The following CERK variants were observed in gnomAD, a reference collection of about 807,000 sequenced individuals.
The protein encoded by CERK is ceramide kinase.
A neutral mutation model predicts 63.4 loss-of-function variants in CERK; 39 were observed. The ratio of observed to expected loss-of-function variants is 0.61; its 90% CI spans 0.48 to 0.80. The LOEUF (loss-of-function observed/expected upper bound fraction) is 0.80, where lower values mean the gene tolerates loss of function less well. Among genes scored for constraint, CERK ranks in the 30% least tolerant of loss-of-function variants. CERK has a pLI of 0.00. For synonymous variants in CERK, 302 were observed against 280.0 expected (o/e 1.08, Z -0.78); for missense variants, 670 against 714.1 (o/e 0.94, Z 0.70).
At chr22:46,705,269 G>A (rs1233743010) in intron 6 of CERK, among the ~76,000 whole-genome samples, 2 of 152,224 alleles carry the variant, frequency 1.3e-5, no homozygotes, top group Non-Finnish European at 2.9e-5. Context: ...AAGGATGGGA[G>A]TGAGGGGCCT....
chr22:46,719,420 C>G (rs139022773), intron 3 of CERK, among the ~76,000 whole-genome samples: 76 of 152,250 alleles, frequency 5.0e-4, no homozygotes, highest in African/African-American at 1.7e-3. Flanking sequence ...ACCTGTAATC[C>G]CAGCACTCCA....
chr22:46,694,807 C>T (rs1395068558), intron 9 of CERK, among the ~76,000 whole-genome samples: 1 of 152,214 alleles, frequency 6.6e-6, no homozygotes, highest in Non-Finnish European at 1.5e-5. Context: ...ACCAACGGTC[C>T]TGCCACCAGT....
chr22:46,722,619 G>T (rs895973850), intron 1 of CERK, among the ~76,000 whole-genome samples: 9 of 147,726 alleles, frequency 6.1e-5, no homozygotes, highest in African/African-American at 7.6e-5. Context: ...GAGGGCAATA[G>T]CTCCATCTCG....
chr22:46,716,172 A>G (rs564112265), intron 3 of CERK, among the ~76,000 whole-genome samples: 8 of 150,784 alleles, frequency 5.3e-5, no homozygotes, highest in Non-Finnish European at 8.8e-5. Context: ...CCTGGGTGGC[A>G]GAACAAGACC....
At chr22:46,729,278 C>T (rs534212458) in intron 1 of CERK, among the ~76,000 whole-genome samples, 6 of 152,166 alleles carry the variant, frequency 3.9e-5, no homozygotes, top group South Asian at 4.2e-4. Flanking sequence ...GGTAGGAGGA[C>T]GGCTTGTGCT....
At chr22:46,723,529 G>T (rs541784132) in intron 1 of CERK, among the ~76,000 whole-genome samples, 1 of 152,120 alleles carries the variant, frequency 6.6e-6, no homozygotes, top group East Asian at 2.0e-4. Flanking sequence ...TGAAGCATGA[G>T]AGTTGCTTGA....
At chr22:46,699,817 A>C (rs1473353429) in intron 7 of CERK, among the ~76,000 whole-genome samples, 2 of 152,222 alleles carry the variant, frequency 1.3e-5, no homozygotes, top group African/African-American at 4.8e-5. Flanking sequence ...AGCCGAGTGC[A>C]GTGGTTCACG....
At chr22:46,725,871 T>C (rs1390580850) in intron 1 of CERK, among the ~76,000 whole-genome samples, 1 of 152,248 alleles carries the variant, frequency 6.6e-6, no homozygotes, top group African/African-American at 2.4e-5. Context: ...GAGAGCACGC[T>C]GACTTCCAGC....
intron 1 of CERK, among the ~76,000 whole-genome samples, chr22:46,721,516 G>A (rs1211963971): frequency 3.3e-5 from 5 of 152,176 alleles, no homozygotes; most frequent in East Asian, 1.9e-4. Flanking sequence ...GTTACCAGAC[G>A]GCGGGATGTT....
At chr22:46,712,059 C>G in intron 4 of CERK, 109 bp downstream of exon 4, 1 of 1,271,164 alleles carries the variant, frequency 7.9e-7, no homozygotes, top group African/African-American at 1.5e-5. Flanking sequence ...TGCACTCCAG[C>G]CTGGGCAACA....
chr22:46,705,196 C>T (rs1056870103), intron 6 of CERK, among the ~76,000 whole-genome samples: 3 of 152,180 alleles, frequency 2.0e-5, no homozygotes, highest in Non-Finnish European at 4.4e-5. Context: ...CCTCTGAGAG[C>T]CACACGTGCA....
rs572252210 is a variant in CERK, at chr22:46,714,252, C to A, written c.380-1959G>T. Reference sequence around the variant, plus strand: ...CGCCATTGCACTCCAGCCTGGGTGACAGAGTAAGACTCCATGTCAAAATAA... The same window carrying A: ...CGCCATTGCACTCCAGCCTGGGTGAAAGAGTAAGACTCCATGTCAAAATAA... On this transcript the variant is annotated intron_variant, in intron 3 of 12. Coordinates refer to ENST00000216264, the MANE Select transcript of CERK (RefSeq NM_022766.6). The surrounding 1 kb of genome is among the most constrained non-coding windows in gnomAD (Gnocchi z 4.4). Among the ~76,000 whole-genome samples the A allele has an allele frequency of 6.6e-6, 1 of 152,276 alleles. No homozygotes were observed. Among genetic ancestry groups the A allele is most frequent in the Admixed American group, 6.5e-5 (1 of 15,290 alleles).
chr22:46,697,877 T>C (rs2082763959), intron 8 of CERK, among the ~76,000 whole-genome samples: 1 of 152,238 alleles, frequency 6.6e-6, no homozygotes, highest in Non-Finnish European at 1.5e-5. Context: ...CTGCCTGATG[T>C]GTGCAGACTG....
rs11431926 is a variant in CERK, at chr22:46,704,824, CAA to C, written c.715+3017_715+3018del. ...TGGGTGACAGAGCAAGACTCCATCTCAAAAAAAAAAAAAAAAAAAAGTGACAA... is the reference window on the plus strand; with the variant it reads ...TGGGTGACAGAGCAAGACTCCATCTCAAAAAAAAAAAAAAAAAAGTGACAA... On this transcript the variant is annotated intron_variant, in intron 6 of 12. Transcript: ENST00000216264. Among the ~76,000 whole-genome samples the C allele has an allele frequency of 1.6e-4, 13 of 83,686 alleles. No individual in the cohort carries two copies. The East Asian group carries it at 4.6e-3, about 29-fold the overall frequency. 54.9% of individuals were successfully genotyped at this position (83,686 alleles called of 152,430 possible).
At chr22:46,687,682 T>C (rs59394122) in intron 12 of CERK, among the ~76,000 whole-genome samples, 4,339 of 149,914 alleles carry the variant, frequency 0.029, 212 homozygotes, top group African/African-American at 0.1. Flanking sequence ...GTGTGAGGAA[T>C]GCTCAGATGA....
intron 12 of CERK, among the ~76,000 whole-genome samples, chr22:46,689,495 G>A (rs964653554): frequency 3.3e-5 from 5 of 152,072 alleles, no homozygotes; most frequent in East Asian, 1.9e-4. Flanking sequence ...CTCAGCCTCC[G>A]GGGTAGCTGG....
At chr22:46,699,230 C>G in intron 8 of CERK, 83 bp downstream of exon 8, 7 of 1,402,858 alleles carry the variant, frequency 5.0e-6, no homozygotes, top group Non-Finnish European at 7.0e-6. Flanking sequence ...TCTGACGGTG[C>G]TCAGTGGATT....
At chr22:46,703,729 A>C (rs1555984849) in intron 6 of CERK, among the ~76,000 whole-genome samples, 1 of 152,106 alleles carries the variant, frequency 6.6e-6, no homozygotes. Context: ...ACATGCTCTT[A>C]GGACCAAACG....
Position 46,714,635 on chromosome 22 carries a change from A to G in CERK, c.380-2342T>C, listed in dbSNP as rs994620124. Among the ~76,000 whole-genome samples the G allele has an allele frequency of 6.6e-6, 1 of 152,204 alleles. No individual in the cohort carries two copies. The highest frequency in any genetic ancestry group is 6.5e-5 in the Admixed American group (1 of 15,282). On this transcript the variant is annotated intron_variant, in intron 3 of 12. Coordinates refer to ENST00000216264, the MANE Select transcript of CERK (RefSeq NM_022766.6). This position sits in a 1 kb window ranked among gnomAD's most constrained non-coding sequence, Gnocchi z 4.4. ...AAGCTATTAATGAAAACTTCTCACA[A>G]AGAAAACTCCAAGCCCAGATGATTT...
Sources: allele counts gnomAD v4.1 joint callset (sites outside exome capture counted in the v4.1 genomes callset), GRCh38; gene constraint gnomAD v4.1.1; non-coding constraint Gnocchi (gnomAD v3.1); transcripts MANE v1.5; gene names NCBI Gene and HGNC (gene_info 2026-07-23, HGNC 2026-07-21).